The following LHX8 variants were observed in gnomAD, a reference collection of about 807,000 sequenced individuals.
The protein encoded by LHX8 is LIM homeobox 8.
Under a neutral mutation model 40.3 loss-of-function variants are expected in LHX8, and 12 were observed. The ratio of observed to expected loss-of-function variants is 0.30; its 90% CI spans 0.19 to 0.48. LHX8 has a LOEUF of 0.48. Ranked by LOEUF, LHX8 falls within the 20% of genes least tolerant of loss-of-function variation. The probability of loss-of-function intolerance (pLI) is 0.99; values close to 1 mark genes in which losing one functional copy is unlikely to be tolerated. For synonymous variants in LHX8, 179 were observed against 162.0 expected (o/e 1.10, Z -0.80); for missense variants, 344 against 433.7 (o/e 0.79, Z 1.84).
intron 1 of LHX8, among the ~76,000 whole-genome samples, chr1:75,128,930 A>G (rs578135641): frequency 6.6e-6 from 1 of 152,170 alleles, no homozygotes; most frequent in Admixed American, 6.5e-5. Flanking sequence ...GACCCTCTGA[A>G]CCCCTAGAAG....
At chr1:75,175,174 G>A in the LHX8 span, among the ~76,000 whole-genome samples, 1 of 152,114 alleles carries the variant, frequency 6.6e-6, no homozygotes, top group Non-Finnish European at 1.5e-5. Flanking sequence ...GTATTCCATG[G>A]TATAGATCAC....
At chr1:75,188,178 T>TTTTGC in the LHX8 span, among the ~76,000 whole-genome samples, 1 of 152,134 alleles carries the variant, frequency 6.6e-6, no homozygotes, top group Non-Finnish European at 1.5e-5. Flanking sequence ...TGTTGTTTTG[T>TTTTGC]TTTGCTTTTT....
In LHX8 at chr1:75,148,567, A is replaced by C. The variant is rs1384927542; in HGVS notation, c.685-20A>C. 3.8e-6 allele frequency: 6 copies of C among 1,568,102 alleles called. No homozygotes were observed. The highest frequency in any genetic ancestry group is 1.4e-5 in the African/African-American group (1 of 73,134). ...CTGCTTGTTTTTAGCTATTTACTAC[A>C]TACATGTTTTAAACAACAGGTTATG... On this transcript the variant is annotated intron_variant, in intron 6 of 8. Coordinates refer to ENST00000356261, the MANE Select transcript of LHX8 (RefSeq NM_001256114.2).
At position 75,141,084 on chromosome 1, in the gene LHX8, T is replaced by C. The variant is rs749421849; in HGVS notation, c.337T>C (p.Phe113Leu). The C allele has an allele frequency of 6.2e-7, 1 of 1,613,306 alleles. No individual in the cohort carries two copies. The highest frequency in any genetic ancestry group is 8.5e-7 in the Non-Finnish European group (1 of 1,179,564). Residue 113 changes from phenylalanine (F) to leucine (L), a missense_variant, in exon 4 of 9, where the codon TTC becomes CTC. Physicochemically the swap from Phe to Leu is conservative, Grantham distance 22. Transcript: ENST00000356261. ...CTGTTATATTAAAGACAAAGACATTTTCTGCAAACTTGATTATTTCAGGTA... is the reference window on the plus strand; with the variant it reads ...CTGTTATATTAAAGACAAAGACATTCTCTGCAAACTTGATTATTTCAGGTA... The part of the protein sequence containing the change: ...TSCYIKDKDI[F>L]CKLDYFRRYG...
the LHX8 span, among the ~76,000 whole-genome samples, chr1:75,189,420 C>G: frequency 6.6e-6 from 1 of 152,262 alleles, no homozygotes; most frequent in East Asian, 1.9e-4. Flanking sequence ...AAATATAATT[C>G]AAGCCTTTAA....
intron 7 of LHX8, among the ~76,000 whole-genome samples, chr1:75,149,608 T>TGACGCAATCACAGCTCACTGCAGC (rs1648552597): frequency 6.6e-6 from 1 of 152,162 alleles, no homozygotes; most frequent in Non-Finnish European, 1.5e-5. Context: ...TGGAGTGCAG[T>TGACGCAATCACAGCTCACTGCAGC]GACGCAATCA....
chr1:75,194,294 G>A, the LHX8 span, among the ~76,000 whole-genome samples: 13 of 152,214 alleles, frequency 8.5e-5, no homozygotes, highest in Admixed American at 8.5e-4. Context: ...TGGCATCCTG[G>A]AGGTCCCTGC....
chr1:75,187,390 G>A, the LHX8 span, among the ~76,000 whole-genome samples: 2 of 152,334 alleles, frequency 1.3e-5, no homozygotes, highest in South Asian at 4.1e-4. Flanking sequence ...GTTGACAACA[G>A]ATGCCACATT....
At chr1:75,169,976 C>A in the LHX8 span, among the ~76,000 whole-genome samples, 89 of 152,346 alleles carry the variant, frequency 5.8e-4, 1 homozygote, top group Admixed American at 3.3e-3. Context: ...TAGGAGCCTG[C>A]CAGCTATGCC....
At chr1:75,188,915 T>G in the LHX8 span, among the ~76,000 whole-genome samples, 2 of 152,234 alleles carry the variant, frequency 1.3e-5, no homozygotes, top group African/African-American at 4.8e-5. Flanking sequence ...GGACACTGCC[T>G]GTTCTGAACT....
intron 3 of LHX8, among the ~76,000 whole-genome samples, chr1:75,139,646 C>A (rs145545815): frequency 2.0e-3 from 301 of 152,150 alleles, no homozygotes; most frequent in African/African-American, 6.8e-3. Flanking sequence ...CCTCAGATTT[C>A]TTTCTGTTTT....
intron 6 of LHX8, among the ~76,000 whole-genome samples, chr1:75,145,836 T>C (rs1295179284): frequency 1.3e-5 from 2 of 152,152 alleles, no homozygotes; most frequent in Admixed American, 6.6e-5. Context: ...CATTATGGTA[T>C]GTAAATGTGA....
At position 75,143,119 on chromosome 1, in the gene LHX8, A is replaced by G. The variant is rs1250830744; in HGVS notation, c.361A>G (p.Arg121Gly). 1 of 1,612,782 alleles carries G rather than the reference A, an allele frequency of 6.2e-7. No homozygotes were observed. Among genetic ancestry groups the G allele is most frequent in the South Asian group, 1.1e-5 (1 of 91,042 alleles). ...CTTCCACACCTCTATTTAATGTAGA[A>G]GGTATGGAACTCGCTGCTCTCGATG... is the stretch of plus-strand genomic sequence containing the variant. ...DIFCKLDYFR[R>G]YGTRCSRCGR... Residue 121 changes from arginine to glycine, a missense_variant and splice_region_variant, in exon 5 of 9, where the codon AGG becomes GGG. By Grantham distance (125) the Arg-to-Gly change is moderately radical. Coordinates refer to ENST00000356261, the MANE Select transcript of LHX8 (RefSeq NM_001256114.2).
rs762535495 is a variant in LHX8, at chr1:75,143,211, C to T, written c.453C>T (p.Cys151=). 2.5e-6 allele frequency: 4 copies of T among 1,613,786 alleles called. No homozygotes were observed. The highest frequency in any genetic ancestry group is 2.5e-6 in the Non-Finnish European group (3 of 1,179,780). Residue 151 remains cysteine (C), a synonymous_variant, in exon 5 of 9, where the codon TGC becomes TGT. Coordinates refer to ENST00000356261, the MANE Select transcript of LHX8 (RefSeq NM_001256114.2). ...AGGGGAATGTCTATCACTTGGCATG[C>T]TTTGCCTGCTTTTCCTGCAAAAGGC... ...RAKGNVYHLA[C]FACFSCKRQL...
chr1:75,138,092 A>G (rs933504299), intron 3 of LHX8, among the ~76,000 whole-genome samples: 1 of 151,986 alleles, frequency 6.6e-6, no homozygotes, highest in Non-Finnish European at 1.5e-5. Context: ...ATTGTGGGGG[A>G]ATTTTGGAGT....
the LHX8 span, among the ~76,000 whole-genome samples, chr1:75,172,519 A>C: frequency 6.6e-6 from 1 of 152,188 alleles, no homozygotes; most frequent in African/African-American, 2.4e-5. Flanking sequence ...CCCAAACCTT[A>C]TGTGTTTCAT....
chr1:75,197,457 C>T, the LHX8 span, among the ~76,000 whole-genome samples: 3,059 of 152,200 alleles, frequency 0.02, 61 homozygotes, highest in Non-Finnish European at 0.033. Context: ...CTTGACCTCA[C>T]CTCCCTAAAT....
rs1648917291 is a variant in LHX8, at chr1:75,161,487, A to T, written c.*592A>T. ...AATAACACTATAGTTTAATAAGCCC[A>T]CCATTCTGAGTTTATTAAACATTTT... On this transcript the variant is annotated 3_prime_UTR_variant, in exon 9 of 9. Coordinates refer to ENST00000356261, the MANE Select transcript of LHX8 (RefSeq NM_001256114.2). The T allele has an allele frequency of 6.5e-6, 1 of 152,864 alleles. No individual in the cohort carries two copies. Among genetic ancestry groups the T allele is most frequent in the Non-Finnish European group, 1.5e-5 (1 of 68,230 alleles). 9.5% of individuals were successfully genotyped at this position (152,864 alleles called of 1,614,324 possible). A position where few individuals can be genotyped will look rare whatever the true frequency, so the allele number is the denominator to read the frequency against.
the LHX8 span, among the ~76,000 whole-genome samples, chr1:75,196,960 C>T: frequency 6.6e-6 from 1 of 152,110 alleles, no homozygotes; most frequent in African/African-American, 2.4e-5. Flanking sequence ...ATGGCTCACA[C>T]TTGATAAAAC....
Sources: allele counts gnomAD v4.1 joint callset (sites outside exome capture counted in the v4.1 genomes callset), GRCh38; gene constraint gnomAD v4.1.1; transcripts MANE v1.5; gene names NCBI Gene and HGNC (gene_info 2026-07-23, HGNC 2026-07-21).